Variants in OPRL1 observed in about 807,000 individuals in gnomAD.
The protein encoded by OPRL1 is opioid related nociceptin receptor 1.
A neutral mutation model predicts 15.5 loss-of-function variants in OPRL1; 5 were observed. That is an observed-to-expected ratio of 0.32 (90% CI 0.17 to 0.68). OPRL1 has a LOEUF of 0.68. Among genes scored for constraint, OPRL1 ranks in the 30% least tolerant of loss-of-function variants. The pLI, the probability that OPRL1 is intolerant of heterozygous loss-of-function variation, is 0.72. For missense variants in OPRL1, 406 were observed against 515.3 expected (o/e 0.79, Z 2.05); for synonymous variants, 223 against 230.2 (o/e 0.97, Z 0.28).
chr20:64,087,012 G>A (rs2060060142), intron 1 of OPRL1, among the ~76,000 whole-genome samples: 1 of 152,202 alleles, frequency 6.6e-6, no homozygotes, highest in Admixed American at 6.5e-5. Flanking sequence ...TGCCTGCTGA[G>A]TGGGTGTGAA....
At chr20:64,088,854 AGGGCAGGGTCTGTGCAGAGT>A (rs2060089613) in intron 1 of OPRL1, among the ~76,000 whole-genome samples, 2 of 14,502 alleles carry the variant, frequency 1.4e-4, no homozygotes, top group Non-Finnish European at 1.6e-4. Context: ...CTGTGCAGGG[AGGGCAGGGTCTGTGCAGAGT>A]GGCCAGGGTC....
At chr20:64,088,684 A>G (rs1601634527) in intron 1 of OPRL1, among the ~76,000 whole-genome samples, 5 of 139,696 alleles carry the variant, frequency 3.6e-5, no homozygotes, top group East Asian at 2.1e-4. Context: ...AGTGGCCAGG[A>G]TCTGTGCAGG....
At chr20:64,084,429 G>A in intron 1 of OPRL1, 2 of 1,242,646 alleles carry the variant, frequency 1.6e-6, no homozygotes, top group Admixed American at 4.3e-5. Context: ...CTCTGCCATC[G>A]GCTGATCCTG....
In OPRL1 at chr20:64,092,073, CG is replaced by C; in HGVS notation, c.-72del. 6.5e-6 allele frequency: 1 copy of C among 153,594 alleles called. No individual in the cohort carries two copies. Among genetic ancestry groups the C allele is most frequent in the Non-Finnish European group, 1.4e-5 (1 of 68,980 alleles). The allele number at this position is 153,594 out of a possible 1,614,324, so 9.5% of individuals were successfully genotyped here. ...TGCTCGACTGCCAGCCGGCTGAGGG[CG>C]GGGGTCTCCACGGTGGTCCCAGCTC... On this transcript the variant is annotated 5_prime_UTR_variant, in exon 2 of 5. Transcript: ENST00000336866.
intron 3 of OPRL1, 120 bp downstream of exon 3, chr20:64,093,073 A>G: frequency 1.1e-6 from 1 of 898,392 alleles, no homozygotes; most frequent in African/African-American, 1.7e-5. Context: ...TCCCCCATTC[A>G]ATGTTTTTGA....
chr20:64,095,345 CG>C (rs1319774105), intron 3 of OPRL1, among the ~76,000 whole-genome samples: 2 of 59,636 alleles, frequency 3.4e-5, no homozygotes, highest in East Asian at 9.3e-4. Context: ...GGTGGATAGT[CG>C]GGGGGGAGCC....
chr20:64,084,192 G>A (rs1291358591), intron 1 of OPRL1: 1 of 1,442,244 alleles, frequency 6.9e-7, no homozygotes, highest in Non-Finnish European at 9.0e-7. Flanking sequence ...GGGCCCTTGC[G>A]CCCGCCCTCC....
intron 1 of OPRL1, among the ~76,000 whole-genome samples, chr20:64,082,576 G>A (rs1555936743): frequency 6.6e-6 from 1 of 152,168 alleles, no homozygotes; most frequent in Non-Finnish European, 1.5e-5. Flanking sequence ...GAGTTCCTGC[G>A]GTCCCGCTTC....
At chr20:64,096,781 TTCACCATCC>T (rs937001072) in intron 3 of OPRL1, among the ~76,000 whole-genome samples, 16 of 132,100 alleles carry the variant, frequency 1.2e-4, no homozygotes, top group African/African-American at 3.8e-4. Flanking sequence ...CATTATCACA[TTCACCATCC>T]TCACCATCCT....
At chr20:64,091,652 C>T (rs566168499) in intron 1 of OPRL1, among the ~76,000 whole-genome samples, 37 of 152,258 alleles carry the variant, frequency 2.4e-4, no homozygotes, top group African/African-American at 8.2e-4. Flanking sequence ...GCTGTGTCTC[C>T]GTGTGAGTCG....
At chr20:64,092,490 C>T (rs550769312) in intron 2 of OPRL1, among the ~76,000 whole-genome samples, 198 bp from the exon 3 acceptor site, 66 of 152,214 alleles carry the variant, frequency 4.3e-4, no homozygotes, top group African/African-American at 1.2e-3. Context: ...TCTGTGCACA[C>T]GTGTCCTCGT....
rs1364449819 is a variant in OPRL1, at chr20:64,089,217, A to T, written c.-184-2749A>T. On this transcript the variant is annotated intron_variant, in intron 1 of 4. Coordinates refer to ENST00000336866, the MANE Select transcript of OPRL1 (RefSeq NM_182647.4). This position sits in a 1 kb window ranked among gnomAD's most constrained non-coding sequence, Gnocchi z 5.5. ...AGGGCAGAATGACACAGAACACACA[A>T]GAAGTTCAAGGGAACACATTATGAG... is the stretch of plus-strand genomic sequence containing the variant. Among the ~76,000 whole-genome samples the T allele has an allele frequency of 1.3e-5, 2 of 152,156 alleles. No individual in the cohort carries two copies. Among genetic ancestry groups the T allele is most frequent in the Non-Finnish European group, 2.9e-5 (2 of 68,016 alleles).
chr20:64,088,600 T>TGCAGAGTGGCC (rs2060078831), intron 1 of OPRL1, among the ~76,000 whole-genome samples: 1 of 15,932 alleles, frequency 6.3e-5, no homozygotes, highest in Non-Finnish European at 1.5e-4. Context: ...GTGCAAGGGG[T>TGCAGAGTGGCC]AGGATCTGTG....
Position 64,092,257 on chromosome 20 carries a change from G to A in OPRL1, c.-34+141G>A, listed in dbSNP as rs1601640872. 5.4e-5 allele frequency: 9 copies of A among 167,204 alleles called. No individual in the cohort carries two copies. In the South Asian group the frequency reaches 1.3e-3, roughly 23 times the overall value. 10.4% of individuals were successfully genotyped at this position (167,204 alleles called of 1,614,324 possible). A position where few individuals can be genotyped will look rare whatever the true frequency, so the allele number is the denominator to read the frequency against. On this transcript the variant is annotated intron_variant, in intron 2 of 4. Transcript: ENST00000336866. ...CAGTCTCTTTTGTGCCTGCGTGTGC[G>A]TGAGGGCAGGTTTGGGCATTTCTGT...
At chr20:64,086,785 C>CT (rs1481659348) in intron 1 of OPRL1, among the ~76,000 whole-genome samples, 1 of 152,152 alleles carries the variant, frequency 6.6e-6, no homozygotes, top group African/African-American at 2.4e-5. Flanking sequence ...GGCCTGGTGA[C>CT]TGGCTTCCCT....
At chr20:64,081,193 C>G (rs573924428) in intron 1 of OPRL1, among the ~76,000 whole-genome samples, 2 of 152,258 alleles carry the variant, frequency 1.3e-5, no homozygotes, top group South Asian at 2.1e-4. Context: ...GGCTGCCTCT[C>G]GAAGCTGTAC....
At position 64,098,385 on chromosome 20, in the gene OPRL1, C is replaced by T. The variant is rs1569280435; in HGVS notation, c.699C>T (p.Val233=). 2 of 1,613,836 alleles carry T rather than the reference C, an allele frequency of 1.2e-6. No individual in the cohort carries two copies. Among genetic ancestry groups the T allele is most frequent in the East Asian group, 4.5e-5 (2 of 44,874 alleles). The change falls in exon 5 of 5, where the codon GTC becomes GTT. Residue 233 remains valine (V), a synonymous_variant. Transcript: ENST00000336866. ...SFIVPVLVIS[V]CYSLMIRRLR... The stretch of plus-strand genomic sequence containing the variant: ...TCGTCCCCGTGCTCGTCATCTCTGT[C>T]TGCTACAGCCTCATGATCCGGCGGC...
chr20:64,081,326 A>G (rs754137471), intron 1 of OPRL1, among the ~76,000 whole-genome samples: 1 of 152,226 alleles, frequency 6.6e-6, no homozygotes. Flanking sequence ...AGCGGTGGGC[A>G]CAGGTGAGGT....
Position 64,083,796 on chromosome 20 carries a change from C to T in OPRL1, c.-185+3444C>T. 1 of 1,340,174 alleles carries T rather than the reference C, an allele frequency of 7.5e-7. No homozygotes were observed. The highest frequency in any genetic ancestry group is 9.5e-7 in the Non-Finnish European group (1 of 1,051,866). The allele number at this position is 1,340,174 out of a possible 1,614,324, so 83.0% of individuals were successfully genotyped here. A position where few individuals can be genotyped will look rare whatever the true frequency, so the allele number is the denominator to read the frequency against. ...CAACGCTCCCGGTGCGCCCCCTCTG[C>T]CCTCCGACCCCCTCGCCTCACCCGC... On this transcript the variant is annotated intron_variant, in intron 1 of 4. Transcript: ENST00000336866. The surrounding 1 kb of genome is among the most constrained non-coding windows in gnomAD (Gnocchi z 4.9).
Sources: gnomAD v4.1 joint callset for allele counts (sites outside exome capture counted in the v4.1 genomes callset) on GRCh38, gnomAD v4.1.1 for gene constraint, Gnocchi (gnomAD v3.1) non-coding constraint, MANE v1.5 for transcripts, NCBI Gene and HGNC (gene_info 2026-07-23, HGNC 2026-07-21) for gene names.